The following PTK7 variants were observed in gnomAD, a reference collection of about 807,000 sequenced individuals.
PTK7 encodes inactive tyrosine-protein kinase 7.
A neutral mutation model predicts 116.6 loss-of-function variants in PTK7; 39 were observed. The ratio of observed to expected loss-of-function variants is 0.33; its 90% CI spans 0.26 to 0.44. The LOEUF is 0.44. Ranked by LOEUF, PTK7 falls within the 20% of genes least tolerant of loss-of-function variation. The pLI is 1.00. For missense variants in PTK7, 1,169 were observed against 1,425.6 expected, an observed-to-expected ratio of 0.82 and a Z score of 2.90; for synonymous variants, 546 against 563.6, an observed-to-expected ratio of 0.97 and a Z score of 0.44.
chr6:43,127,105 G>A (rs1054818380), intron 1 of PTK7, among the ~76,000 whole-genome samples: 1 of 152,214 alleles, frequency 6.6e-6, no homozygotes, highest in African/African-American at 2.4e-5. Context: ...CACCTCCAGG[G>A]ACTTGGAAGG....
At chr6:43,094,609 C>T (rs1020509114) in intron 1 of PTK7, among the ~76,000 whole-genome samples, 9 of 151,826 alleles carry the variant, frequency 5.9e-5, no homozygotes, top group Admixed American at 2.0e-4. Context: ...GGACTATAGA[C>T]GCCTGCCACC....
In PTK7 at chr6:43,160,777, T is replaced by C. The variant is rs1251375705; in HGVS notation, c.3109T>C (p.Tyr1037His). Residue 1037 changes from tyrosine to histidine, a missense_variant, in exon 20 of 20, where the codon TAT (tyrosine) becomes CAT (histidine). Tyr to His is a moderately conservative substitution (Grantham distance 83). Coordinates refer to ENST00000230419, the MANE Select transcript of PTK7 (RefSeq NM_002821.5). Reference protein sequence around the residue: ...PQPEGCPSKLYRLMQRCWALS... With the variant: ...PQPEGCPSKLHRLMQRCWALS... The stretch of plus-strand genomic sequence containing the variant: ...GCCCGAGGGCTGCCCTTCCAAACTC[T>C]ATCGGCTGATGCAGCGCTGCTGGGC... 6.2e-7 allele frequency: 1 copy of C among 1,614,212 alleles called. No individual in the cohort carries two copies. The highest frequency in any genetic ancestry group is 1.1e-5 in the South Asian group (1 of 91,090).
chr6:43,140,324 G>A (rs532170220), intron 10 of PTK7, among the ~76,000 whole-genome samples: 3 of 151,630 alleles, frequency 2.0e-5, no homozygotes, highest in Admixed American at 6.6e-5. Flanking sequence ...GTGGCGGCAC[G>A]CATCTGTAGT....
intron 1 of PTK7, among the ~76,000 whole-genome samples, chr6:43,098,360 C>CT (rs200911784): frequency 0.025 from 3,566 of 143,638 alleles, 61 homozygotes; most frequent in South Asian, 0.04. Flanking sequence ...AAGAAGCAAA[C>CT]TTTTTTTTTT....
At chr6:43,097,456 C>T (rs1167967767) in intron 1 of PTK7, among the ~76,000 whole-genome samples, 1 of 152,164 alleles carries the variant, frequency 6.6e-6, no homozygotes, top group Non-Finnish European at 1.5e-5. Context: ...AGGATATGAA[C>T]GTGTCAAAAT....
chr6:43,076,753 CT>C lies in PTK7; in HGVS notation c.79+187del. 1 of 1,395,120 alleles carries C rather than the reference CT, an allele frequency of 7.2e-7. No individual in the cohort carries two copies. The highest frequency in any genetic ancestry group is 9.3e-7 in the Non-Finnish European group (1 of 1,072,784). The allele number at this position is 1,395,120 out of a possible 1,614,324, so 86.4% of individuals were successfully genotyped here. ...CCGGGTGTCGGGAGGCTGGCGAAGC[CT>C]CCAGGGACGCGGTCAGGGTACCCCT... On this transcript the variant is annotated intron_variant, in intron 1 of 19. Coordinates refer to ENST00000230419, the MANE Select transcript of PTK7 (RefSeq NM_002821.5). The surrounding 1 kb of genome is among the most constrained non-coding windows in gnomAD (Gnocchi z 5.7).
At chr6:43,080,850 G>A (rs1291075281) in intron 1 of PTK7, among the ~76,000 whole-genome samples, 2 of 152,056 alleles carry the variant, frequency 1.3e-5, no homozygotes, top group African/African-American at 4.8e-5. Context: ...GCTGAGGCAG[G>A]AGAATCACTT....
intron 1 of PTK7, among the ~76,000 whole-genome samples, chr6:43,127,796 G>A (rs1484349671): frequency 6.6e-6 from 1 of 152,182 alleles, no homozygotes; most frequent in Non-Finnish European, 1.5e-5. Context: ...AGGCGTGGTG[G>A]CGGGCACCTG....
intron 1 of PTK7, among the ~76,000 whole-genome samples, chr6:43,108,952 T>C (rs1191781250): frequency 1.3e-5 from 2 of 152,214 alleles, no homozygotes; most frequent in East Asian, 1.9e-4. Context: ...CCCACAGATA[T>C]AGCTGTTCAA....
At chr6:43,120,274 GGGGCACAGATGTCTCACACT>G (rs1472912669) in intron 1 of PTK7, among the ~76,000 whole-genome samples, 3 of 152,278 alleles carry the variant, frequency 2.0e-5, no homozygotes, top group Non-Finnish European at 4.4e-5. Flanking sequence ...AGGCACCAGG[GGGGCACAGATGTCTCACACT>G]GGGCACAAAT....
intron 1 of PTK7, among the ~76,000 whole-genome samples, chr6:43,100,580 C>G (rs1767519863): frequency 6.6e-6 from 1 of 151,874 alleles, no homozygotes; most frequent in Non-Finnish European, 1.5e-5. Context: ...TTTGGGAATA[C>G]AGCTGAAGTT....
chr6:43,132,039 C>T lies in PTK7; in HGVS notation c.836C>T (p.Thr279Ile). ...AGCCCCCCACACCTCCGCAGAGCCA[C>T]AGTGTTTGCCAACGGGTCTCTGCTG... ...RSRPPHLRRA[T>I]VFANGSLLLT... Residue 279 changes from threonine (T) to isoleucine (I), a missense_variant, in exon 6 of 20, where the codon ACA becomes ATA. By Grantham distance (89) the Thr-to-Ile change is moderately conservative. Coordinates refer to ENST00000230419, the MANE Select transcript of PTK7 (RefSeq NM_002821.5). The T allele has an allele frequency of 6.2e-7, 1 of 1,614,130 alleles. No individual in the cohort carries two copies. The highest frequency in any genetic ancestry group is 8.5e-7 in the Non-Finnish European group (1 of 1,180,044).
chr6:43,093,599 G>T (rs959472361), intron 1 of PTK7, among the ~76,000 whole-genome samples: 4 of 152,094 alleles, frequency 2.6e-5, no homozygotes, highest in African/African-American at 9.7e-5. Context: ...ACACTTGTGT[G>T]GGGCTGATTC....
At chr6:43,124,822 G>A (rs779340368) in intron 1 of PTK7, among the ~76,000 whole-genome samples, 8 of 152,236 alleles carry the variant, frequency 5.3e-5, no homozygotes, top group African/African-American at 7.2e-5. Flanking sequence ...TCATGGTTGA[G>A]GTGCGTATAG....
chr6:43,152,742 A>ATGTTATGTT (rs938643602), intron 17 of PTK7, among the ~76,000 whole-genome samples: 2 of 103,408 alleles, frequency 1.9e-5, no homozygotes. Context: ...TATTTATGTT[A>ATGTTATGTT]TGTTATGTTA....
rs1245997536 is a variant in PTK7, at chr6:43,128,471, A to C, written c.80-506A>C. 2.0e-5 allele frequency among the ~76,000 whole-genome samples: 3 copies of C among 152,356 alleles called. No homozygotes were observed. The East Asian group carries it at 5.8e-4, about 29-fold the overall frequency. On this transcript the variant is annotated intron_variant, in intron 1 of 19. Coordinates refer to ENST00000230419, the MANE Select transcript of PTK7 (RefSeq NM_002821.5). ...GCTACTGTGTCTTTGTATCCTACAG[A>C]GCACTCAGCACAGTTGAAAAGCTCT...
At chr6:43,081,937 G>C (rs1247923394) in intron 1 of PTK7, among the ~76,000 whole-genome samples, 12 of 152,200 alleles carry the variant, frequency 7.9e-5, no homozygotes, top group African/African-American at 2.9e-4. Context: ...GGCTGGTTTT[G>C]GTGGTGGTTT....
In PTK7 at chr6:43,143,830, A is replaced by C. The variant is rs866282105; in HGVS notation, c.2251+210A>C. On this transcript the variant is annotated intron_variant, in intron 14 of 19. Transcript: ENST00000230419. The surrounding 1 kb of genome is among the most constrained non-coding windows in gnomAD (Gnocchi z 4.2). ...ACCTGGCTTGAGACTTCTTCATTGGAGCCCCTTGGACCAGCTTCCTATGAT... is the reference window on the plus strand; with the variant it reads ...ACCTGGCTTGAGACTTCTTCATTGGCGCCCCTTGGACCAGCTTCCTATGAT... 1.3e-5 allele frequency among the ~76,000 whole-genome samples: 2 copies of C among 152,128 alleles called. No individual in the cohort carries two copies. The highest frequency in any genetic ancestry group is 2.9e-5 in the Non-Finnish European group (2 of 68,012).
chr6:43,144,378 G>T (rs1770601304), intron 14 of PTK7, 73 bp from the exon 15 acceptor site: 2 of 1,590,144 alleles, frequency 1.3e-6, no homozygotes, highest in South Asian at 1.1e-5. Flanking sequence ...AAGACCAGGG[G>T]ACAGAACAGA....
Sources: gnomAD v4.1 joint callset for allele counts (sites outside exome capture counted in the v4.1 genomes callset) on GRCh38, gnomAD v4.1.1 for gene constraint, Gnocchi (gnomAD v3.1) non-coding constraint, MANE v1.5 for transcripts, NCBI Gene and HGNC (gene_info 2026-07-23, HGNC 2026-07-21) for gene names.